OGFOD3: variants seen among roughly 807,000 people sequenced by gnomAD.
The protein encoded by OGFOD3 is 2-oxoglutarate and iron-dependent oxygenase domain-containing protein 3.
Under a neutral mutation model 39.8 loss-of-function variants are expected in OGFOD3, and 35 were observed. The ratio of observed to expected loss-of-function variants is 0.88; its 90% confidence interval spans 0.67 to 1.17. The LOEUF (loss-of-function observed/expected upper bound fraction) is 1.17. Ranked by LOEUF, OGFOD3 falls within the 50% of genes most tolerant of loss-of-function variation. OGFOD3 has a pLI of 0.00. For missense variants in OGFOD3, 438 were observed against 454.5 expected, an observed-to-expected ratio of 0.96 and a Z score of 0.33; for synonymous variants, 200 against 192.0, an observed-to-expected ratio of 1.04 and a Z score of -0.34.
intron 1 of OGFOD3, among the ~76,000 whole-genome samples, chr17:82,416,526 CT>C (rs1380600992): frequency 6.6e-6 from 1 of 152,154 alleles, no homozygotes; most frequent in African/African-American, 2.4e-5. Context: ...GTAAAATAAG[CT>C]TCTCGTCTGT....
intron 8 of OGFOD3, among the ~76,000 whole-genome samples, chr17:82,397,561 C>T (rs1311241806): frequency 6.6e-6 from 1 of 152,134 alleles, no homozygotes; most frequent in Non-Finnish European, 1.5e-5. Context: ...ACAGGGGTTC[C>T]CCACTCCCCA....
intron 2 of OGFOD3, among the ~76,000 whole-genome samples, chr17:82,412,876 C>G (rs1340550186): frequency 6.6e-6 from 1 of 152,188 alleles, no homozygotes; most frequent in Non-Finnish European, 1.5e-5. Flanking sequence ...AAAAAGCCAG[C>G]CCTGAGCCTG....
intron 2 of OGFOD3, chr17:82,411,784 A>G: frequency 2.0e-6 from 1 of 507,506 alleles, no homozygotes. Flanking sequence ...AAACCCTGGG[A>G]AAGTCACAGA....
intron 7 of OGFOD3, among the ~76,000 whole-genome samples, chr17:82,401,807 A>AAAAAAAAAAAAAAAAAAAC (rs1567868705): frequency 6.9e-6 from 1 of 145,716 alleles, no homozygotes; most frequent in African/African-American, 2.6e-5. Flanking sequence ...CCATCTCAAA[A>AAAAAAAAAAAAAAAAAAAC]AAAAAAAAAA....
rs1437658039 is a variant in OGFOD3 at position 82,391,224 on chromosome 17, C to A, written c.*1174G>T. On this transcript the variant is annotated 3_prime_UTR_variant, in exon 9 of 9. Transcript: ENST00000313056. This position sits in a 1 kb window ranked among gnomAD's most constrained non-coding sequence, Gnocchi z 5.1. ...CCCCCTCCCGGGAAGGTGCCCAAAG[C>A]CCTGGACAGTCACCTCGAGGTGACT... 1 of 152,866 alleles carries A rather than the reference C, an allele frequency of 6.5e-6. No homozygotes were observed. The highest frequency in any genetic ancestry group is 2.0e-4 in the South Asian group (1 of 4,918). The allele number at this position is 152,866 out of a possible 1,614,324, so 9.5% of individuals were successfully genotyped here. A position where few individuals can be genotyped will look rare whatever the true frequency, so the allele number is the denominator to read the frequency against.
intron 7 of OGFOD3, among the ~76,000 whole-genome samples, chr17:82,400,424 T>C (rs1056588588): frequency 1.3e-5 from 2 of 152,126 alleles, no homozygotes; most frequent in South Asian, 2.1e-4. Context: ...AAGGAAACCA[T>C]ACCAGGGTCC....
In OGFOD3 at chr17:82,406,108, G is replaced by A. The variant is rs985761798; in HGVS notation, c.488+310C>T. ...GTTGGATTCTTGGAAGCTGCTCCTG[G>A]GAGCCTCCCATCTCTGCTGCCTCTT... On this transcript the variant is annotated intron_variant, in intron 5 of 8. Transcript: ENST00000313056. The surrounding 1 kb of genome is among the most constrained non-coding windows in gnomAD (Gnocchi z 5.2). 6.6e-6 allele frequency among the ~76,000 whole-genome samples: 1 copy of A among 152,126 alleles called. No homozygotes were observed. Among genetic ancestry groups the A allele is most frequent in the African/African-American group, 2.4e-5 (1 of 41,416 alleles).
chr17:82,399,931 G>T (rs542041926), intron 7 of OGFOD3, among the ~76,000 whole-genome samples: 1 of 152,306 alleles, frequency 6.6e-6, no homozygotes, highest in East Asian at 1.9e-4. Flanking sequence ...GGATGGAGCC[G>T]CACCAGCGCG....
At chr17:82,416,281 G>A (rs2053032810) in intron 1 of OGFOD3, among the ~76,000 whole-genome samples, 1 of 152,220 alleles carries the variant, frequency 6.6e-6, no homozygotes, top group Admixed American at 6.5e-5. Context: ...ACTTTAATGT[G>A]AGATGTTTCA....
At chr17:82,396,312 A>G (rs931085097) in intron 8 of OGFOD3, among the ~76,000 whole-genome samples, 1 of 104,842 alleles carries the variant, frequency 9.5e-6, no homozygotes, top group Admixed American at 8.7e-5. Flanking sequence ...GATGTACGAC[A>G]TCAAATCACA....
intron 7 of OGFOD3, among the ~76,000 whole-genome samples, 155 bp from the exon 8 acceptor site, chr17:82,398,474 A>C (rs2052714311): frequency 6.6e-6 from 1 of 152,110 alleles, no homozygotes; most frequent in Non-Finnish European, 1.5e-5. Context: ...ATCTCGGCTC[A>C]CTGCAATCTC....
intron 7 of OGFOD3, chr17:82,401,325 G>A (rs1329080696): frequency 6.6e-6 from 1 of 151,482 alleles, no homozygotes; most frequent in African/African-American, 2.4e-5. Flanking sequence ...TTGTATTTTA[G>A]TAGAGACAGG....
intron 3 of OGFOD3, 41 bp from the exon 4 acceptor site, chr17:82,409,451 G>A: frequency 6.3e-7 from 1 of 1,589,912 alleles, no homozygotes; most frequent in East Asian, 2.2e-5. Flanking sequence ...TGCTAGAATT[G>A]TCTATAATGT....
chr17:82,398,014 C>T (rs1435536061), intron 8 of OGFOD3, among the ~76,000 whole-genome samples, 182 bp downstream of exon 8: 1 of 151,956 alleles, frequency 6.6e-6, no homozygotes, highest in Non-Finnish European at 1.5e-5. Flanking sequence ...GACATGTGGC[C>T]CCGTAGACAC....
intron 1 of OGFOD3, among the ~76,000 whole-genome samples, chr17:82,418,099 C>G (rs1025078239): frequency 2.6e-5 from 4 of 152,192 alleles, no homozygotes; most frequent in African/African-American, 9.7e-5. Flanking sequence ...CACGGGACAG[C>G]GACAGCCAAA....
intron 7 of OGFOD3, among the ~76,000 whole-genome samples, chr17:82,403,492 C>A (rs2052798633): frequency 6.6e-6 from 1 of 152,082 alleles, no homozygotes; most frequent in Non-Finnish European, 1.5e-5. Context: ...ATTAGCGAGG[C>A]CTGGTGGGGC....
At chr17:82,403,757 A>ATGCGCGCTCACCCTGTCCACG in intron 7 of OGFOD3, 180 bp downstream of exon 7, 1 of 710,062 alleles carries the variant, frequency 1.4e-6, no homozygotes, top group East Asian at 3.0e-5. Flanking sequence ...CCCTGTCCAC[A>ATGCGCGCTCACCCTGTCCACG]TGCGCGCTCA....
chr17:82,414,399 A>G (rs2053000361), intron 2 of OGFOD3, among the ~76,000 whole-genome samples: 1 of 152,162 alleles, frequency 6.6e-6, no homozygotes, highest in Non-Finnish European at 1.5e-5. Context: ...GGGCCTCCCA[A>G]AGTGCTGGGA....
rs2052600489 is a variant in OGFOD3, at chr17:82,391,839, A to G, written c.*559T>C. The G allele has an allele frequency of 6.5e-6, 1 of 154,994 alleles. No homozygotes were observed. The highest frequency in any genetic ancestry group is 1.4e-5 in the Non-Finnish European group (1 of 69,914). The allele number at this position is 154,994 out of a possible 1,614,324, so 9.6% of individuals were successfully genotyped here. A position where few individuals can be genotyped will look rare whatever the true frequency, so the allele number is the denominator to read the frequency against. Reference sequence around the variant, plus strand: ...GGCCAGCAGCATTGGGGGTGCACGCAGGGCTGTGGGAACGGCAGATGTTCA... The same window carrying G: ...GGCCAGCAGCATTGGGGGTGCACGCGGGGCTGTGGGAACGGCAGATGTTCA... On this transcript the variant is annotated 3_prime_UTR_variant, in exon 9 of 9. Transcript: ENST00000313056. The surrounding 1 kb of genome is among the most constrained non-coding windows in gnomAD (Gnocchi z 5.1).
Sources: gnomAD v4.1 joint callset for allele counts (sites outside exome capture counted in the v4.1 genomes callset) on GRCh38, gnomAD v4.1.1 for gene constraint, Gnocchi (gnomAD v3.1) non-coding constraint, MANE v1.5 for transcripts, NCBI Gene and HGNC (gene_info 2026-07-23, HGNC 2026-07-21) for gene names.